The following SNX19 variants were observed in gnomAD, a reference collection of about 807,000 sequenced individuals.
The protein encoded by SNX19 is sorting nexin-19.
SNX19 carries 60 observed loss-of-function variants against 85.2 expected under a neutral mutation model. The ratio of observed to expected loss-of-function variants is 0.70; its 90% CI spans 0.57 to 0.87. The LOEUF (loss-of-function observed/expected upper bound fraction) is 0.87, where lower values mean the gene tolerates loss of function less well. SNX19 is among the 40% of genes least tolerant of loss of function. SNX19 has a pLI of 0.00. For synonymous variants in SNX19, 520 were observed against 470.0 expected (o/e 1.11, Z -1.38); for missense variants, 1,201 against 1,217.8 (o/e 0.99, Z 0.21).
intron 10 of SNX19, among the ~76,000 whole-genome samples, chr11:130,879,312 C>T (rs544983876): frequency 6.6e-6 from 1 of 152,328 alleles, no homozygotes; most frequent in South Asian, 2.1e-4. Context: ...GTATGCTGAA[C>T]AAGCCTGGAG....
intron 8 of SNX19, among the ~76,000 whole-genome samples, chr11:130,899,762 C>T (rs1202401370): frequency 1.6e-4 from 24 of 152,014 alleles, no homozygotes; most frequent in Admixed American, 1.6e-3. Flanking sequence ...GCCATAGTTA[C>T]AACAAGTTTT....
chr11:130,914,553 C>G lies in SNX19; in HGVS notation c.1387G>C (p.Ala463Pro), dbSNP rs144761335. The change falls in exon 1 of 11, where the codon GCC (alanine) becomes CCC (proline). Residue 463 changes from alanine (A) to proline (P), a missense_variant. By Grantham distance (27) the Ala-to-Pro change is conservative (BLOSUM62 -1). Transcript: ENST00000265909. ...CCCTCCAGCAAAGCTGTAACAGAGG[C>G]GGTAACATCTCCTTGTTCTATCTCC... ...DKEIEQGDVT[A>P]SVTALLEGPE... The G allele has an allele frequency of 2.6e-5, 42 of 1,613,804 alleles. No homozygotes were observed. In the African/African-American group the frequency reaches 3.9e-4, roughly 15 times the overall value.
chr11:130,880,126 C>G (rs772434760), intron 9 of SNX19, among the ~76,000 whole-genome samples: 1 of 152,212 alleles, frequency 6.6e-6, no homozygotes, highest in Non-Finnish European at 1.5e-5. Context: ...GGAAAAACAA[C>G]CTTCTCAGAT....
intron 8 of SNX19, among the ~76,000 whole-genome samples, chr11:130,889,368 G>A (rs1322907397): frequency 6.6e-6 from 1 of 151,990 alleles, no homozygotes; most frequent in Admixed American, 6.6e-5. Flanking sequence ...AGCATTGGTT[G>A]AGCTTCTTGT....
At chr11:130,894,168 C>A (rs865901238) in intron 8 of SNX19, among the ~76,000 whole-genome samples, 13 of 152,018 alleles carry the variant, frequency 8.6e-5, no homozygotes, top group Admixed American at 4.6e-4. Flanking sequence ...CACAGGAGAC[C>A]CTGAATATAG....
chr11:130,903,135 C>T, intron 8 of SNX19, 120 bp downstream of exon 8: 1 of 1,409,548 alleles, frequency 7.1e-7, no homozygotes, highest in African/African-American at 1.4e-5. Context: ...TCCCTGTAAC[C>T]CCTGTAACAG....
intron 8 of SNX19, among the ~76,000 whole-genome samples, chr11:130,897,393 C>G (rs559778007): frequency 2.0e-5 from 3 of 152,062 alleles, no homozygotes; most frequent in African/African-American, 7.2e-5. Flanking sequence ...CACACAGACA[C>G]ACACACACAC....
In SNX19 at chr11:130,896,650, T is replaced by A. The variant is rs566100063; in HGVS notation, c.2573+6605A>T. On this transcript the variant is annotated intron_variant, in intron 8 of 10. Coordinates refer to ENST00000265909, the MANE Select transcript of SNX19 (RefSeq NM_014758.3). ...CTTAAGGTGTGGTTGTTACGACTTT[T>A]ATGATTTTGGGAACGTTATTTTATC... Among the ~76,000 whole-genome samples the A allele has an allele frequency of 6.0e-4, 92 of 152,320 alleles. 1 individual carries two copies. Among genetic ancestry groups the A allele is most frequent in the African/African-American group, 1.1e-3 (47 of 41,570 alleles).
intron 8 of SNX19, among the ~76,000 whole-genome samples, chr11:130,887,695 G>A (rs973397207): frequency 1.3e-5 from 2 of 152,134 alleles, no homozygotes; most frequent in Non-Finnish European, 2.9e-5. Flanking sequence ...CCAGATATTA[G>A]GTTAAATCTC....
At chr11:130,886,344 T>C (rs1944065716) in intron 8 of SNX19, among the ~76,000 whole-genome samples, 1 of 152,204 alleles carries the variant, frequency 6.6e-6, no homozygotes, top group Admixed American at 6.5e-5. Flanking sequence ...CGCCTGTGCC[T>C]ATGTGCATGC....
rs150570878 is a variant in SNX19 at position 130,873,774 on chromosome 11, T to C, written c.*4648A>G. On this transcript the variant is annotated 3_prime_UTR_variant, in exon 11 of 11. Transcript: ENST00000265909. ...TAACTATTAGCTGGTACCAGGCATT[T>C]TGGGAGTAGATAGGGGATCTGCTGA... is the stretch of plus-strand genomic sequence containing the variant. Among the ~76,000 whole-genome samples the C allele has an allele frequency of 2.2e-3, 336 of 152,252 alleles. 4 individuals are homozygous for C. The Middle Eastern group carries it at 0.031, about 14-fold the overall frequency.
At chr11:130,891,700 C>T (rs550648482) in intron 8 of SNX19, among the ~76,000 whole-genome samples, 1 of 152,106 alleles carries the variant, frequency 6.6e-6, no homozygotes, top group East Asian at 1.9e-4. Context: ...GGTCAGGTTA[C>T]CTTTCTAACA....
chr11:130,895,954 C>G (rs931809500), intron 8 of SNX19, among the ~76,000 whole-genome samples: 18 of 152,328 alleles, frequency 1.2e-4, no homozygotes, highest in African/African-American at 4.3e-4. Context: ...AAGTCAAGAG[C>G]TTCCCTTTGG....
intron 8 of SNX19, 88 bp downstream of exon 8, chr11:130,903,167 C>T: frequency 2.6e-6 from 4 of 1,557,194 alleles, no homozygotes; most frequent in Non-Finnish European, 3.5e-6. Context: ...TCTCTTACGG[C>T]TGCAGATTCC....
intron 9 of SNX19, 84 bp from the exon 10 acceptor site, chr11:130,879,795 C>T (rs1315751156): frequency 1.3e-5 from 16 of 1,267,598 alleles, no homozygotes; most frequent in East Asian, 2.4e-5. Flanking sequence ...GGATCTCTGC[C>T]GTTTTTACAT....
intron 8 of SNX19, among the ~76,000 whole-genome samples, chr11:130,884,544 A>G (rs2135294773): frequency 6.6e-6 from 1 of 152,250 alleles, no homozygotes; most frequent in East Asian, 1.9e-4. Context: ...GTCAACACAC[A>G]CACACGTTTC....
chr11:130,885,816 G>A (rs1222422244), intron 8 of SNX19, among the ~76,000 whole-genome samples: 2 of 152,074 alleles, frequency 1.3e-5, no homozygotes, highest in African/African-American at 2.4e-5. Context: ...AGAAAAGGAA[G>A]ATCAAGTTAA....
At chr11:130,891,549 CTA>C (rs1188820351) in intron 8 of SNX19, among the ~76,000 whole-genome samples, 1 of 152,166 alleles carries the variant, frequency 6.6e-6, no homozygotes, top group Admixed American at 6.5e-5. Flanking sequence ...GTTATGAGGA[CTA>C]TGAGTCACAC....
In SNX19 at chr11:130,884,326, C is replaced by T. The variant is rs191127980; in HGVS notation, c.2574-3520G>A. On this transcript the variant is annotated intron_variant, in intron 8 of 10. Coordinates refer to ENST00000265909, the MANE Select transcript of SNX19 (RefSeq NM_014758.3). ...TCCTCTCCATTAACTCTCTTCATCT[C>T]GCGATTTCTACACTGCATCTTTCTA... Among the ~76,000 whole-genome samples the T allele has an allele frequency of 9.9e-5, 15 of 151,476 alleles. No homozygotes were observed. In the East Asian group the frequency reaches 1.2e-3, roughly 12 times the overall value.
Sources: gnomAD v4.1 joint callset for allele counts (sites outside exome capture counted in the v4.1 genomes callset) on GRCh38, gnomAD v4.1.1 for gene constraint, MANE v1.5 for transcripts, NCBI Gene and HGNC (gene_info 2026-07-23, HGNC 2026-07-21) for gene names.